Variants in DTD1 observed in about 807,000 individuals in gnomAD.
DTD1 encodes the protein D-aminoacyl-tRNA deacylase 1.
Under a neutral mutation model 25.6 loss-of-function variants are expected in DTD1, and 13 were observed. The ratio of observed to expected loss-of-function variants is 0.51; its 90% confidence interval spans 0.33 to 0.81. The LOEUF is 0.81. DTD1 is among the 30% of genes least tolerant of loss of function. The probability of loss-of-function intolerance (pLI) is 0.02; values close to 1 mark genes in which losing one functional copy is unlikely to be tolerated. For missense variants in DTD1, 193 were observed against 266.4 expected, an observed-to-expected ratio of 0.72 and a Z score of 1.92; for synonymous variants, 110 against 103.6, an observed-to-expected ratio of 1.06 and a Z score of -0.37.
chr20:18,756,066 C>T (rs1170434141), intron 5 of DTD1, among the ~76,000 whole-genome samples: 1 of 151,774 alleles, frequency 6.6e-6, no homozygotes, highest in African/African-American at 2.4e-5. Flanking sequence ...GCATAAATGT[C>T]TTCTTTTGAG....
At chr20:18,610,445 CAATCATAAATAATTTTA>C (rs2060682028) in intron 3 of DTD1, among the ~76,000 whole-genome samples, 1 of 152,052 alleles carries the variant, frequency 6.6e-6, no homozygotes, top group South Asian at 2.1e-4. Flanking sequence ...GTGCCTGGGG[CAATCATAAATAATTTTA>C]TAATGGATCA....
chr20:18,634,623 T>A (rs1268736916), intron 4 of DTD1, among the ~76,000 whole-genome samples: 1 of 152,238 alleles, frequency 6.6e-6, no homozygotes, highest in Admixed American at 6.5e-5. Context: ...CTCTGTATAC[T>A]TGTCTTATCA....
intron 4 of DTD1, among the ~76,000 whole-genome samples, chr20:18,656,950 C>CA (rs528123569): frequency 6.6e-6 from 1 of 152,070 alleles, no homozygotes; most frequent in Non-Finnish European, 1.5e-5. Flanking sequence ...ATTTGTCATA[C>CA]AAAAAAAGTT....
At chr20:18,619,149 C>G (rs2060722993) in intron 3 of DTD1, among the ~76,000 whole-genome samples, 1 of 152,136 alleles carries the variant, frequency 6.6e-6, no homozygotes, top group Non-Finnish European at 1.5e-5. Flanking sequence ...CTGGCCTGTT[C>G]ATTTTTTCTG....
intron 4 of DTD1, among the ~76,000 whole-genome samples, chr20:18,666,159 A>G (rs1053707334): frequency 1.3e-5 from 2 of 152,290 alleles, no homozygotes; most frequent in East Asian, 3.9e-4. Context: ...AGGACTGGCC[A>G]TGTACTCTAT....
intron 4 of DTD1, chr20:18,630,648 T>C (rs1020766521): frequency 1.3e-5 from 2 of 152,148 alleles, no homozygotes; most frequent in Non-Finnish European, 2.9e-5. Context: ...AGGTGTGAAC[T>C]ACCGCGCCCA....
rs185749189 is a variant in DTD1 at position 18,761,392 on chromosome 20, T to C, written c.*20-1968T>C. Among the ~76,000 whole-genome samples the C allele has an allele frequency of 2.9e-3, 438 of 152,274 alleles. 2 individuals are homozygous for C. The highest frequency in any genetic ancestry group is 9.8e-3 in the African/African-American group (407 of 41,552). On this transcript the variant is annotated intron_variant, in intron 5 of 5. Coordinates refer to ENST00000377452, the MANE Select transcript of DTD1 (RefSeq NM_080820.6). The stretch of plus-strand genomic sequence containing the variant: ...CCTCTGATAATTATTATTAACATAA[T>C]GCTTTGGAATACTTTTTCTAAACAG...
intron 4 of DTD1, among the ~76,000 whole-genome samples, chr20:18,639,634 AATT>A (rs767025983): frequency 6.6e-6 from 1 of 152,204 alleles, no homozygotes; most frequent in Non-Finnish European, 1.5e-5. Flanking sequence ...CCACCATCGC[AATT>A]ATTTCTGTCA....
intron 4 of DTD1, among the ~76,000 whole-genome samples, chr20:18,737,940 A>G (rs1344825674): frequency 6.6e-6 from 1 of 152,236 alleles, no homozygotes; most frequent in Non-Finnish European, 1.5e-5. Context: ...GTGCGGCTAC[A>G]GAGGGCAACA....
chr20:18,700,409 A>G (rs1341821547), intron 4 of DTD1, among the ~76,000 whole-genome samples: 1 of 152,192 alleles, frequency 6.6e-6, no homozygotes, highest in Non-Finnish European at 1.5e-5. Context: ...TGGTTAGAAA[A>G]TTCAAAGACG....
At chr20:18,650,392 C>A (rs2060869669) in intron 4 of DTD1, among the ~76,000 whole-genome samples, 1 of 152,156 alleles carries the variant, frequency 6.6e-6, no homozygotes, top group Non-Finnish European at 1.5e-5. Context: ...TGTCATGTTG[C>A]AGCCTATCAC....
chr20:18,714,875 C>T (rs1173565400), intron 4 of DTD1, among the ~76,000 whole-genome samples: 1 of 152,134 alleles, frequency 6.6e-6, no homozygotes, highest in Admixed American at 6.6e-5. Context: ...AACTGGGTGC[C>T]GACACTCCTG....
intron 4 of DTD1, among the ~76,000 whole-genome samples, chr20:18,707,645 G>GTTACAGGC (rs1316866197): frequency 6.6e-6 from 1 of 152,166 alleles, no homozygotes; most frequent in Non-Finnish European, 1.5e-5. Context: ...GGCATCATGT[G>GTTACAGGC]TTACAGGCTT....
chr20:18,710,855 G>T (rs1479446671), intron 4 of DTD1, among the ~76,000 whole-genome samples: 1 of 151,822 alleles, frequency 6.6e-6, no homozygotes, highest in Non-Finnish European at 1.5e-5. Flanking sequence ...CTGTGAGTGA[G>T]TTGAATCATG....
chr20:18,668,065 C>T (rs911711754), intron 4 of DTD1, among the ~76,000 whole-genome samples: 1 of 152,160 alleles, frequency 6.6e-6, no homozygotes, highest in African/African-American at 2.4e-5. Flanking sequence ...AGATGCATTG[C>T]TTTTAACATA....
chr20:18,741,406 G>A (rs2122517275), intron 4 of DTD1, among the ~76,000 whole-genome samples: 1 of 152,332 alleles, frequency 6.6e-6, no homozygotes, highest in Middle Eastern at 3.4e-3. Context: ...ACTGTTGCTG[G>A]TCCAGGTGTC....
intron 4 of DTD1, among the ~76,000 whole-genome samples, chr20:18,719,732 A>G (rs1456383661): frequency 3.3e-5 from 5 of 152,238 alleles, no homozygotes; most frequent in African/African-American, 1.2e-4. Flanking sequence ...TCCCTTGGTG[A>G]CAGCAGTCCA....
chr20:18,698,769 A>G (rs1443838413), intron 4 of DTD1: 2 of 152,250 alleles, frequency 1.3e-5, no homozygotes, highest in East Asian at 3.8e-4. Context: ...GTCACAGTCA[A>G]ATAGAATTCT....
At chr20:18,634,003 A>T (rs943004829) in intron 4 of DTD1, among the ~76,000 whole-genome samples, 1 of 152,232 alleles carries the variant, frequency 6.6e-6, no homozygotes, top group Non-Finnish European at 1.5e-5. Flanking sequence ...TCCAAATGAC[A>T]TATTTCCAAA....
Sources: allele counts gnomAD v4.1 joint callset (sites outside exome capture counted in the v4.1 genomes callset), GRCh38; gene constraint gnomAD v4.1.1; transcripts MANE v1.5; gene names NCBI Gene and HGNC (gene_info 2026-07-23, HGNC 2026-07-21).